EARS2: variants seen among roughly 807,000 people sequenced by gnomAD.
EARS2 encodes nondiscriminating glutamyl-tRNA synthetase EARS2, mitochondrial.
In EARS2, 50 loss-of-function variants were observed where a neutral mutation model predicts 54.1. The observed-to-expected ratio is 0.92, with a 90% CI of 0.74 to 1.17. The LOEUF (loss-of-function observed/expected upper bound fraction) is 1.17, where lower values mean the gene tolerates loss of function less well. Ranked by LOEUF, EARS2 falls within the 50% of genes most tolerant of loss-of-function variation. The probability of loss-of-function intolerance (pLI) is 0.00; values close to 1 mark genes in which losing one functional copy is unlikely to be tolerated. For missense variants in EARS2, 673 were observed against 675.0 expected, an observed-to-expected ratio of 1.00 and a Z score of 0.03; for synonymous variants, 298 against 281.0, an observed-to-expected ratio of 1.06 and a Z score of -0.61.
chr16:23,528,850 T>A (rs1205046936), intron 7 of EARS2, among the ~76,000 whole-genome samples: 1 of 152,216 alleles, frequency 6.6e-6, no homozygotes, highest in African/African-American at 2.4e-5. Flanking sequence ...TGCTACATAA[T>A]GGAGAAATGT....
chr16:23,552,359 C>G, intron 1 of EARS2, 55 bp from the exon 2 acceptor site: 1 of 1,574,024 alleles, frequency 6.4e-7, no homozygotes. Context: ...TAGGCCTCAG[C>G]AAGGGGCAAG....
At chr16:23,557,083 T>A in intron 1 of EARS2, 122 bp downstream of exon 1, 1 of 1,405,592 alleles carries the variant, frequency 7.1e-7, no homozygotes, top group African/African-American at 1.4e-5. Flanking sequence ...GGGCTCGCGC[T>A]GCCTTAACCC....
At chr16:23,531,452 G>A (rs1376697598) in intron 5 of EARS2, among the ~76,000 whole-genome samples, 1 of 151,952 alleles carries the variant, frequency 6.6e-6, no homozygotes, top group Non-Finnish European at 1.5e-5. Flanking sequence ...TAGTAGAGAC[G>A]GGGTTTCACT....
At chr16:23,548,092 G>C (rs1965634000) in intron 2 of EARS2, among the ~76,000 whole-genome samples, 1 of 151,814 alleles carries the variant, frequency 6.6e-6, no homozygotes, top group Non-Finnish European at 1.5e-5. Flanking sequence ...AAATTAGCTG[G>C]GCTTGGTGGC....
intron 7 of EARS2, among the ~76,000 whole-genome samples, chr16:23,528,478 G>C (rs923394338): frequency 6.6e-6 from 1 of 152,254 alleles, no homozygotes; most frequent in Admixed American, 6.5e-5. Context: ...AGGATTTCTA[G>C]TGATCTGGCA....
intron 2 of EARS2, among the ~76,000 whole-genome samples, chr16:23,547,049 T>G (rs1439391474): frequency 6.6e-6 from 1 of 152,236 alleles, no homozygotes; most frequent in Non-Finnish European, 1.5e-5. Flanking sequence ...TGAAAACATG[T>G]TAACTTAAAC....
At chr16:23,539,195 TTG>T (rs1294836485) in intron 3 of EARS2, among the ~76,000 whole-genome samples, 2 of 152,152 alleles carry the variant, frequency 1.3e-5, no homozygotes, top group African/African-American at 4.8e-5. Context: ...CAGGCTGCAG[TTG>T]TGTCCTTTTT....
At chr16:23,531,410 G>A (rs1281336562) in intron 5 of EARS2, among the ~76,000 whole-genome samples, 1 of 152,026 alleles carries the variant, frequency 6.6e-6, no homozygotes, top group Non-Finnish European at 1.5e-5. Flanking sequence ...ACAGGTGCCC[G>A]CCACCACACC....
At position 23,552,362 on chromosome 16, in the gene EARS2, G is replaced by C. The variant is rs2142195842; in HGVS notation, c.140-58C>G. The stretch of plus-strand genomic sequence containing the variant: ...AAGATAAGCTAATAGGCCTCAGCAA[G>C]GGGCAAGTAAGCACTACTGTGACAG... On this transcript the variant is annotated intron_variant, in intron 1 of 8. Coordinates refer to ENST00000449606, the MANE Select transcript of EARS2 (RefSeq NM_001083614.2). The C allele has an allele frequency of 3.2e-6, 5 of 1,569,484 alleles. 1 individual carries two copies. In the South Asian group the frequency reaches 3.4e-5, roughly 11 times the overall value.
intron 1 of EARS2, 122 bp from the exon 2 acceptor site, chr16:23,552,426 G>A: frequency 3.6e-6 from 4 of 1,121,454 alleles, no homozygotes; most frequent in African/African-American, 1.5e-5. Flanking sequence ...AGGACACATT[G>A]GCTCACGCCT....
At chr16:23,530,949 T>C (rs1197777941) in intron 5 of EARS2, among the ~76,000 whole-genome samples, 1 of 151,590 alleles carries the variant, frequency 6.6e-6, no homozygotes, top group African/African-American at 2.4e-5. Context: ...TGGAGTGCAA[T>C]GGTGTGATTT....
intron 3 of EARS2, among the ~76,000 whole-genome samples, chr16:23,543,105 ACT>A (rs2142182699): frequency 1.9e-5 from 2 of 105,558 alleles, no homozygotes; most frequent in African/African-American, 7.8e-5. Context: ...GCAGAGCAAG[ACT>A]CTGTCTCACC....
At chr16:23,527,182 T>C (rs1965243240) in intron 7 of EARS2, among the ~76,000 whole-genome samples, 1 of 151,546 alleles carries the variant, frequency 6.6e-6, no homozygotes, top group Non-Finnish European at 1.5e-5. Context: ...CCCAGGCTGG[T>C]CTCAAACTCC....
intron 2 of EARS2, among the ~76,000 whole-genome samples, chr16:23,548,183 G>A (rs1273772658): frequency 6.6e-6 from 1 of 151,120 alleles, no homozygotes; most frequent in Admixed American, 6.6e-5. Context: ...GCAGTGAGCC[G>A]AGATCGCACC....
chr16:23,538,191 A>T (rs537300231), intron 3 of EARS2, among the ~76,000 whole-genome samples: 7 of 152,018 alleles, frequency 4.6e-5, no homozygotes, highest in African/African-American at 1.7e-4. Flanking sequence ...TTTTGTTTTG[A>T]GATGGAGTCT....
rs1015966393 is a variant in EARS2 at position 23,532,685 on chromosome 16, C to A, written c.1039G>T (p.Asp347Tyr). The A allele has an allele frequency of 6.2e-7, 1 of 1,614,024 alleles. No homozygotes were observed. The highest frequency in any genetic ancestry group is 8.5e-7 in the Non-Finnish European group (1 of 1,179,960). The change falls in exon 5 of 9, where the codon GAC (aspartate) becomes TAC (tyrosine). Residue 347 changes from aspartate (D) to tyrosine (Y), a missense_variant. Asp to Tyr is a radical substitution (Grantham distance 160, BLOSUM62 -3). Coordinates refer to ENST00000449606, the MANE Select transcript of EARS2 (RefSeq NM_001083614.2). Reference protein sequence around the residue: ...TQVTCHSALLDLEKLPEFNRL... With the variant: ...TQVTCHSALLYLEKLPEFNRL... ...TTGAATTCTGGGAGCTTCTCCAGGTCCAGCAGGGCTGAGTGACAGGTGACC... is the reference window on the plus strand; with the variant it reads ...TTGAATTCTGGGAGCTTCTCCAGGTACAGCAGGGCTGAGTGACAGGTGACC...
At position 23,544,587 on chromosome 16, in the gene EARS2, A is replaced by G; in HGVS notation, c.412T>C (p.Tyr138His). The change falls in exon 3 of 9, where the codon TAC becomes CAC. Residue 138 changes from tyrosine to histidine, a missense_variant. Tyr to His is a moderately conservative substitution (Grantham distance 83). Around this residue, in one of 3 missense-constraint regions of EARS2, gnomAD observed 316 missense variants for 275.2 expected, o/e 1.15. Coordinates refer to ENST00000449606, the MANE Select transcript of EARS2 (RefSeq NM_001083614.2). ...CGCTGGGGTGAGCAGAAACAGGGGT[A>G]AGCAGCTCCGGTCTTCAGCAGCGCT... Reference protein sequence around the residue: ...TEALLKTGAAYPCFCSPQRLE... With the variant: ...TEALLKTGAAHPCFCSPQRLE... 1 of 1,614,044 alleles carries G rather than the reference A, an allele frequency of 6.2e-7. No individual in the cohort carries two copies. The highest frequency in any genetic ancestry group is 8.5e-7 in the Non-Finnish European group (1 of 1,180,016).
At chr16:23,551,840 A>T (rs932140228) in intron 2 of EARS2, among the ~76,000 whole-genome samples, 4 of 152,318 alleles carry the variant, frequency 2.6e-5, no homozygotes, top group Admixed American at 2.6e-4. Flanking sequence ...GAATGGCGTG[A>T]ACCCGGAAGG....
chr16:23,551,192 C>A (rs1965689041), intron 2 of EARS2, among the ~76,000 whole-genome samples: 1 of 152,252 alleles, frequency 6.6e-6, no homozygotes, highest in Non-Finnish European at 1.5e-5. Context: ...AGCTCAGAGG[C>A]ACTCCCAACT....
Sources: gnomAD v4.1 joint callset for allele counts (sites outside exome capture counted in the v4.1 genomes callset) on GRCh38, gnomAD v4.1.1 for gene constraint, gnomAD v4.1.1 regional missense constraint, MANE v1.5 for transcripts, NCBI Gene and HGNC (gene_info 2026-07-23, HGNC 2026-07-21) for gene names.